Variants in ZNF385B observed in about 807,000 individuals in gnomAD.
The protein encoded by ZNF385B is zinc finger protein 533.
ZNF385B carries 23 observed loss-of-function variants against 39.2 expected under a neutral mutation model. The observed-to-expected ratio is 0.59, with a 90% CI of 0.42 to 0.83. The LOEUF (loss-of-function observed/expected upper bound fraction) is 0.83, where lower values mean the gene tolerates loss of function less well. Among genes scored for constraint, ZNF385B ranks in the 40% least tolerant of loss-of-function variants. ZNF385B has a pLI of 0.00. For missense variants in ZNF385B, 552 were observed against 598.9 expected, an observed-to-expected ratio of 0.92 and a Z score of 0.82; for synonymous variants, 205 against 222.6, an observed-to-expected ratio of 0.92 and a Z score of 0.70.
At chr2:179,542,467 A>G (rs2059978264) in intron 4 of ZNF385B, among the ~76,000 whole-genome samples, 1 of 152,194 alleles carries the variant, frequency 6.6e-6, no homozygotes, top group African/African-American at 2.4e-5. Flanking sequence ...AAGGAAAAAA[A>G]ATGAACTTCT....
chr2:179,781,798 C>T (rs1704680500), intron 1 of ZNF385B, among the ~76,000 whole-genome samples: 1 of 152,090 alleles, frequency 6.6e-6, no homozygotes, highest in African/African-American at 2.4e-5. Flanking sequence ...CATGAACAAA[C>T]CAATAACAAA....
At chr2:179,656,285 A>C (rs1693753510) in intron 3 of ZNF385B, among the ~76,000 whole-genome samples, 1 of 152,122 alleles carries the variant, frequency 6.6e-6, no homozygotes, top group Non-Finnish European at 1.5e-5. Context: ...TATTTTTATT[A>C]ATCTTTATGA....
At chr2:179,796,325 A>T (rs1281514487) in intron 1 of ZNF385B, 2 of 152,166 alleles carry the variant, frequency 1.3e-5, no homozygotes, top group Admixed American at 1.3e-4. Flanking sequence ...CCCCTGGGGC[A>T]ACATCAGTTT....
intron 3 of ZNF385B, among the ~76,000 whole-genome samples, chr2:179,598,260 G>C (rs887339576): frequency 1.3e-5 from 2 of 152,086 alleles, no homozygotes; most frequent in African/African-American, 4.8e-5. Flanking sequence ...CGACTCAACT[G>C]CCTCCCCTGC....
intron 1 of ZNF385B, chr2:179,860,768 C>G (rs1401749597): frequency 2.2e-6 from 1 of 461,640 alleles, no homozygotes; most frequent in Non-Finnish European, 4.5e-6. Context: ...GGGGCACTCT[C>G]CTCGTCCTTT....
At chr2:179,725,410 T>C (rs1311602924) in intron 3 of ZNF385B, among the ~76,000 whole-genome samples, 1 of 151,916 alleles carries the variant, frequency 6.6e-6, no homozygotes, top group Non-Finnish European at 1.5e-5. Flanking sequence ...TCATCACATA[T>C]ATATAAAAAC....
chr2:179,471,135 A>G (rs2052728400), intron 6 of ZNF385B, among the ~76,000 whole-genome samples: 1 of 152,176 alleles, frequency 6.6e-6, no homozygotes, highest in Non-Finnish European at 1.5e-5. Flanking sequence ...ACGTTGTTAT[A>G]TGGAGATTTA....
At chr2:179,467,217 C>T (rs986157584) in intron 6 of ZNF385B, among the ~76,000 whole-genome samples, 7 of 152,216 alleles carry the variant, frequency 4.6e-5, no homozygotes, top group South Asian at 2.1e-4. Flanking sequence ...TAGGCTTCCT[C>T]CAACTAGATG....
intron 1 of ZNF385B, among the ~76,000 whole-genome samples, chr2:179,847,418 T>C (rs1369222203): frequency 6.6e-6 from 1 of 152,204 alleles, no homozygotes; most frequent in Non-Finnish European, 1.5e-5. Context: ...TCTTAAAATG[T>C]ACCTATTCCT....
At chr2:179,559,309 G>A (rs1194788307) in intron 3 of ZNF385B, among the ~76,000 whole-genome samples, 3 of 151,882 alleles carry the variant, frequency 2.0e-5, no homozygotes, top group Admixed American at 1.3e-4. Context: ...CCCAAGGAAT[G>A]CTGGTACTCT....
In ZNF385B at chr2:179,651,155, C is replaced by T. The variant is rs186889074; in HGVS notation, c.299-106186G>A. ...CTCCCAAGATTTTTTTTTTTAACCA[C>T]GTAAGGAAAATCTGGCAAAAGGGTA... On this transcript the variant is annotated intron_variant, in intron 3 of 9. Transcript: ENST00000410066. Among the ~76,000 whole-genome samples the T allele has an allele frequency of 6.6e-5, 10 of 151,548 alleles. No individual in the cohort carries two copies. In the South Asian group the frequency reaches 1.3e-3, roughly 19 times the overall value.
chr2:179,638,454 T>A (rs1399686), intron 3 of ZNF385B, among the ~76,000 whole-genome samples: 140,722 of 152,256 alleles, frequency 0.92, 65,151 homozygotes, highest in Middle Eastern at 0.96. Flanking sequence ...CTATTTCGTG[T>A]GTGTTGTAGG....
intron 4 of ZNF385B, among the ~76,000 whole-genome samples, chr2:179,529,541 C>T (rs927182905): frequency 6.6e-6 from 1 of 151,856 alleles, no homozygotes; most frequent in Non-Finnish European, 1.5e-5. Context: ...TTAGTAGATG[C>T]CCTTTTGAAA....
At chr2:179,850,552 A>G (rs1233035955) in intron 1 of ZNF385B, among the ~76,000 whole-genome samples, 1 of 152,206 alleles carries the variant, frequency 6.6e-6, no homozygotes, top group East Asian at 1.9e-4. Flanking sequence ...AAGTGTTTGC[A>G]GGCAACTACC....
intron 3 of ZNF385B, among the ~76,000 whole-genome samples, chr2:179,691,496 C>G (rs1441206024): frequency 6.6e-6 from 1 of 152,180 alleles, no homozygotes; most frequent in African/African-American, 2.4e-5. Context: ...TATGAGTGAT[C>G]TAGATACTGG....
intron 6 of ZNF385B, among the ~76,000 whole-genome samples, chr2:179,449,227 G>C (rs986282362): frequency 6.6e-6 from 1 of 152,090 alleles, no homozygotes; most frequent in African/African-American, 2.4e-5. Flanking sequence ...TGAGAGCATA[G>C]AGCAGAAAAT....
At chr2:179,548,401 C>A in intron 3 of ZNF385B, among the ~76,000 whole-genome samples, 1 of 142,016 alleles carries the variant, frequency 7.0e-6, no homozygotes, top group East Asian at 1.9e-4. Context: ...CAGACTCTGG[C>A]ATGTAAGGTT....
At chr2:179,507,975 G>C (rs911164582) in intron 5 of ZNF385B, among the ~76,000 whole-genome samples, 3 of 152,122 alleles carry the variant, frequency 2.0e-5, no homozygotes, top group African/African-American at 7.2e-5. Flanking sequence ...AAATGCTGTC[G>C]CTTCATTTAA....
At chr2:179,812,630 G>A (rs1043721366) in intron 1 of ZNF385B, among the ~76,000 whole-genome samples, 12 of 151,932 alleles carry the variant, frequency 7.9e-5, no homozygotes, top group Non-Finnish European at 1.2e-4. Context: ...AATAAAAACC[G>A]GCAACCACTA....
Sources: allele counts gnomAD v4.1 joint callset (sites outside exome capture counted in the v4.1 genomes callset), GRCh38; gene constraint gnomAD v4.1.1; transcripts MANE v1.5; gene names NCBI Gene and HGNC (gene_info 2026-07-23, HGNC 2026-07-21).